The following MOCS2 variants were observed in gnomAD, a reference collection of about 807,000 sequenced individuals.
MOCS2 encodes the protein molybdopterin synthase catalytic subunit.
In MOCS2, 13 loss-of-function variants were observed where a neutral mutation model predicts 21.9. The ratio of observed to expected loss-of-function variants is 0.59; its 90% CI spans 0.39 to 0.94. MOCS2 has a LOEUF of 0.94. Among genes scored for constraint, MOCS2 ranks in the 40% least tolerant of loss-of-function variants. The pLI, the probability that MOCS2 is intolerant of heterozygous loss-of-function variation, is 0.00. For synonymous variants in MOCS2, 92 were observed against 80.8 expected (o/e 1.14, Z -0.74); for missense variants, 227 against 218.3 (o/e 1.04, Z -0.25).
Position 53,102,160 on chromosome 5 carries a change from A to G in MOCS2, c.163T>C (p.Ser55Pro). The change falls in exon 4 of 7, where the codon TCA becomes CCA. Residue 55 changes from serine (S) to proline (P), a missense_variant. Coordinates refer to ENST00000396954, the MANE Select transcript of MOCS2 (RefSeq NM_004531.5). ...ACCAACTGTGAGACTTCATCTACTG[A>G]AAGTTTCTCGGCAGTAAAGTTTATA... ...DVINFTAEKL[S>P]VDEVSQLVIS... The G allele has an allele frequency of 6.2e-7, 1 of 1,613,430 alleles. No individual in the cohort carries two copies. The highest frequency in any genetic ancestry group is 8.5e-7 in the Non-Finnish European group (1 of 1,179,480).
At chr5:53,107,564 T>G (rs1741086524) in intron 2 of MOCS2, 1 of 264,646 alleles carries the variant, frequency 3.8e-6, no homozygotes, top group African/African-American at 2.2e-5. Flanking sequence ...TCCAGGGTCC[T>G]TCTATCCATG....
At position 53,109,525 on chromosome 5, in the gene MOCS2, A is replaced by T. The variant is rs1448468805; in HGVS notation, c.-444T>A. 1 of 1,305,372 alleles carries T rather than the reference A, an allele frequency of 7.7e-7. No individual in the cohort carries two copies. Among genetic ancestry groups the T allele is most frequent in the Non-Finnish European group, 9.9e-7 (1 of 1,005,272 alleles). The allele number at this position is 1,305,372 out of a possible 1,614,324, so 80.9% of individuals were successfully genotyped here. A position where few individuals can be genotyped will look rare whatever the true frequency, so the allele number is the denominator to read the frequency against. On this transcript the variant is annotated 5_prime_UTR_variant, in exon 1 of 7. Transcript: ENST00000396954. The stretch of plus-strand genomic sequence containing the variant: ...CGACTTCTGCTGGGGCAGTCGCAGT[A>T]AAGCCCGGAGACAGGAAGGGCCCGG...
Position 53,101,470 on chromosome 5 carries a change from C to A in MOCS2, c.266G>T (p.Ser89Ile). 1 of 1,611,220 alleles carries A rather than the reference C, an allele frequency of 6.2e-7. No homozygotes were observed. The highest frequency in any genetic ancestry group is 8.5e-7 in the Non-Finnish European group (1 of 1,178,068). The change falls in exon 5 of 7, where the codon AGC becomes ATC. Residue 89 changes from serine to isoleucine, a missense_variant. Ser to Ile is a moderately radical substitution (Grantham distance 142). Transcript: ENST00000396954. ...RNNFEGKKVI[S>I]LEYEAYLPMA... ...GGGTAGATATGCTTCATATTCTAAG[C>A]TAATGACTTTTTTCCCTTCAAAGTT...
chr5:53,100,132 G>T (rs1740866964), intron 6 of MOCS2, among the ~76,000 whole-genome samples: 1 of 151,994 alleles, frequency 6.6e-6, no homozygotes, highest in South Asian at 2.1e-4. Context: ...TAATTCAAGG[G>T]AATTATAATC....
intron 6 of MOCS2, 105 bp from the exon 7 acceptor site, chr5:53,098,772 T>C (rs926090340): frequency 2.4e-6 from 2 of 826,554 alleles, no homozygotes; most frequent in Non-Finnish European, 2.0e-6. Context: ...TCTATTTCAA[T>C]GGCTCCTCTT....
Position 53,109,729 on chromosome 5 carries a change from T to G in MOCS2, c.-648A>C. On this transcript the variant is annotated 5_prime_UTR_variant, in exon 1 of 7. It removes an upstream start codon present in the reference 5' UTR. Transcript: ENST00000396954. ...ACCCTTACCTGGCACAGCGGCACCA[T>G]CCCGCCTAGGACAGCGGGACCGAAT... 1 of 1,550,990 alleles carries G rather than the reference T, an allele frequency of 6.4e-7. No homozygotes were observed. The highest frequency in any genetic ancestry group is 8.7e-7 in the Non-Finnish European group (1 of 1,147,396).
chr5:53,095,900 T>G lies in MOCS2; in HGVS notation c.*2702A>C, dbSNP rs756242670. 6.6e-6 allele frequency: 1 copy of G among 152,236 alleles called. No homozygotes were observed. Among genetic ancestry groups the G allele is most frequent in the Non-Finnish European group, 1.5e-5 (1 of 68,044 alleles). The allele number at this position is 152,236 out of a possible 1,614,324, so 9.4% of individuals were successfully genotyped here. ...ATTTTCAAAAACTCCTTCCTGATCCTATCATAATCTTTTAATATTTTTAAG... is the reference window on the plus strand; with the variant it reads ...ATTTTCAAAAACTCCTTCCTGATCCGATCATAATCTTTTAATATTTTTAAG... On this transcript the variant is annotated 3_prime_UTR_variant, in exon 7 of 7. Coordinates refer to ENST00000396954, the MANE Select transcript of MOCS2 (RefSeq NM_004531.5).
At chr5:53,101,146 C>G in intron 5 of MOCS2, 1 of 603,578 alleles carries the variant, frequency 1.7e-6, no homozygotes, top group South Asian at 2.0e-5. Flanking sequence ...CAGTTTGTTA[C>G]AGCAACAGAG....
At chr5:53,107,290 TAGAG>T in intron 2 of MOCS2, 69 bp from the exon 3 acceptor site, 1 of 1,377,570 alleles carries the variant, frequency 7.3e-7, no homozygotes, top group Non-Finnish European at 1.0e-6. Context: ...CAGCTGCAAT[TAGAG>T]ATATTACATA....
Position 53,100,646 on chromosome 5 carries a change from G to GT in MOCS2, c.378-113dup, listed in dbSNP as rs1740885574. On this transcript the variant is annotated intron_variant, in intron 5 of 6. Coordinates refer to ENST00000396954, the MANE Select transcript of MOCS2 (RefSeq NM_004531.5). ...AGGTATGCAGTCTTAGAATTATACT[G>GT]TAGTTCTATTTTACGTAAACATACA... 6.5e-5 allele frequency: 73 copies of GT among 1,119,534 alleles called. 2 individuals are homozygous for GT. The South Asian group carries it at 9.5e-4, about 15-fold the overall frequency. The allele number at this position is 1,119,534 out of a possible 1,614,324, so 69.4% of individuals were successfully genotyped here.
intron 6 of MOCS2, 124 bp from the exon 7 acceptor site, chr5:53,098,791 C>T (rs959010909): frequency 3.9e-6 from 3 of 762,228 alleles, no homozygotes; most frequent in Admixed American, 2.1e-5. Flanking sequence ...TTTTAACAAT[C>T]ATGACGAGAG....
At chr5:53,104,868 A>G (rs1579934839) in intron 3 of MOCS2, among the ~76,000 whole-genome samples, 1 of 152,192 alleles carries the variant, frequency 6.6e-6, no homozygotes, top group South Asian at 2.1e-4. Flanking sequence ...TAACTTACCA[A>G]GAGTTTTTAT....
At chr5:53,106,160 A>T (rs1741042635) in intron 3 of MOCS2, among the ~76,000 whole-genome samples, 1 of 152,130 alleles carries the variant, frequency 6.6e-6, no homozygotes, top group South Asian at 2.1e-4. Flanking sequence ...GGTGGCCTAG[A>T]GACTGAAATA....
chr5:53,106,956 C>A, intron 3 of MOCS2, 121 bp downstream of exon 3: 1 of 1,069,268 alleles, frequency 9.4e-7, no homozygotes, highest in South Asian at 1.6e-5. Context: ...GTTGCTGCAT[C>A]AATAAAGATT....
Position 53,101,490 on chromosome 5 carries a change from A to G in MOCS2, c.246T>C (p.Phe82=), listed in dbSNP as rs1211134839. The part of the protein sequence containing the change: ...SLFVGTTRNN[F]EGKKVISLEY... ...CTAAGCTAATGACTTTTTTCCCTTC[A>G]AAGTTATTTCTTGTAGTCCCTTTAA... The change falls in exon 5 of 7, where the codon TTT becomes TTC. Residue 82 remains phenylalanine, a synonymous_variant. Coordinates refer to ENST00000396954, the MANE Select transcript of MOCS2 (RefSeq NM_004531.5). 3 of 1,607,630 alleles carry G rather than the reference A, an allele frequency of 1.9e-6. No individual in the cohort carries two copies. The highest frequency in any genetic ancestry group is 2.7e-5 in the African/African-American group (2 of 74,772).
rs914249018 is a variant in MOCS2, at chr5:53,100,493, G to A, written c.419C>T (p.Ser140Phe). The A allele has an allele frequency of 3.2e-5, 51 of 1,613,484 alleles. No individual in the cohort carries two copies. Among genetic ancestry groups the A allele is most frequent in the Non-Finnish European group, 4.3e-5 (51 of 1,179,712 alleles). Reference protein sequence around the residue: ...VSEASIIIAVSSAHRAASLEA... With the variant: ...VSEASIIIAVFSAHRAASLEA... ...AAGAGATGCAGCTCTGTGGGCTGAG[G>A]ACACAGCAATGATTATGCTTGCTTC... Residue 140 changes from serine to phenylalanine, a missense_variant, in exon 6 of 7, where the codon TCC becomes TTC. By Grantham distance (155) the Ser-to-Phe change is radical. Coordinates refer to ENST00000396954, the MANE Select transcript of MOCS2 (RefSeq NM_004531.5).
rs1233021419 is a variant in MOCS2, at chr5:53,101,569, G to C, written c.227-60C>G. ...TAAAATAAGGTTTTTCCCTACAAAA[G>C]AAATAGCACGTTAATAAAAAAGGAA... On this transcript the variant is annotated intron_variant, in intron 4 of 6. Coordinates refer to ENST00000396954, the MANE Select transcript of MOCS2 (RefSeq NM_004531.5). 3.4e-6 allele frequency: 4 copies of C among 1,168,708 alleles called. No individual in the cohort carries two copies. The African/African-American group carries it at 6.2e-5, about 18-fold the overall frequency. 72.4% of individuals were successfully genotyped at this position (1,168,708 alleles called of 1,614,324 possible). A position where few individuals can be genotyped will look rare whatever the true frequency, so the allele number is the denominator to read the frequency against.
At chr5:53,101,330 A>C in intron 5 of MOCS2, 29 bp downstream of exon 5, 1 of 1,607,684 alleles carries the variant, frequency 6.2e-7, no homozygotes, top group East Asian at 2.2e-5. Flanking sequence ...AATTACACTT[A>C]ACTTTTAGAG....
At position 53,109,361 on chromosome 5, in the gene MOCS2, G is replaced by C. The variant is rs560580920; in HGVS notation, c.-280C>G. On this transcript the variant is annotated 5_prime_UTR_variant, in exon 1 of 7. Coordinates refer to ENST00000396954, the MANE Select transcript of MOCS2 (RefSeq NM_004531.5). Reference sequence around the variant, plus strand: ...GTTCTTCACAAGAATTCTCCATGAGGTGCATTTCTTTTTAGATTAAAATTT... The same window carrying C: ...GTTCTTCACAAGAATTCTCCATGAGCTGCATTTCTTTTTAGATTAAAATTT... The C allele has an allele frequency of 8.8e-7, 1 of 1,139,206 alleles. No individual in the cohort carries two copies. The highest frequency in any genetic ancestry group is 1.1e-6 in the Non-Finnish European group (1 of 928,862). 70.6% of individuals were successfully genotyped at this position (1,139,206 alleles called of 1,614,324 possible). A position where few individuals can be genotyped will look rare whatever the true frequency, so the allele number is the denominator to read the frequency against.
Sources: allele counts gnomAD v4.1 joint callset (sites outside exome capture counted in the v4.1 genomes callset), GRCh38; gene constraint gnomAD v4.1.1; transcripts MANE v1.5; gene names NCBI Gene and HGNC (gene_info 2026-07-23, HGNC 2026-07-21).